SEC31A: variants seen among roughly 807,000 people sequenced by gnomAD.
SEC31A encodes SEC31 homolog A, COPII component.
SEC31A carries 70 observed loss-of-function variants against 151.0 expected under a neutral mutation model. The ratio of observed to expected loss-of-function variants is 0.46; its 90% CI spans 0.38 to 0.57. The LOEUF (loss-of-function observed/expected upper bound fraction) is 0.57, where lower values mean the gene tolerates loss of function less well. SEC31A is among the 20% of genes least tolerant of loss of function. SEC31A has a pLI of 0.00. For missense variants in SEC31A, 1,330 were observed against 1,471.2 expected (o/e 0.90, Z 1.57); for synonymous variants, 475 against 505.9 (o/e 0.94, Z 0.82).
intron 22 of SEC31A, among the ~76,000 whole-genome samples, chr4:82,832,881 C>T (rs530325101): frequency 7.9e-5 from 12 of 152,138 alleles, no homozygotes; most frequent in South Asian, 6.2e-4. Flanking sequence ...GTTACAATGG[C>T]GATCATTAAA....
At chr4:82,830,979 T>G (rs1288466965) in intron 22 of SEC31A, 1 of 1,195,772 alleles carries the variant, frequency 8.4e-7, no homozygotes, top group Non-Finnish European at 1.1e-6. Flanking sequence ...TGGTTTTCTG[T>G]AGACAAAATG....
intron 6 of SEC31A, 81 bp downstream of exon 6, chr4:82,874,530 T>G: frequency 7.5e-7 from 1 of 1,333,406 alleles, no homozygotes; most frequent in Non-Finnish European, 1.0e-6. Flanking sequence ...AAATTTGATT[T>G]GTTGTCAACT....
intron 3 of SEC31A, among the ~76,000 whole-genome samples, chr4:82,896,569 G>A (rs756533339): frequency 2.0e-5 from 3 of 151,746 alleles, no homozygotes; most frequent in Non-Finnish European, 2.9e-5. Flanking sequence ...AGCAGCCTGG[G>A]CAACACGGCA....
chr4:82,838,990 T>A (rs1200037710), intron 22 of SEC31A, among the ~76,000 whole-genome samples: 1 of 152,210 alleles, frequency 6.6e-6, no homozygotes, highest in Non-Finnish European at 1.5e-5. Context: ...ATAATTATTA[T>A]TTTTTGAGAT....
intron 24 of SEC31A, among the ~76,000 whole-genome samples, chr4:82,826,514 A>C: frequency 6.6e-6 from 1 of 152,078 alleles, no homozygotes; most frequent in East Asian, 1.9e-4. Context: ...CACCACGCCC[A>C]GCTAATTTTT....
At chr4:82,842,019 C>T (rs1578187039) in intron 22 of SEC31A, 121 bp downstream of exon 22, 1 of 798,192 alleles carries the variant, frequency 1.3e-6, no homozygotes, top group East Asian at 2.8e-5. Context: ...AAACCCAAAC[C>T]TCAGTCAACA....
intron 17 of SEC31A, 141 bp downstream of exon 17, chr4:82,854,762 G>A: frequency 2.8e-6 from 2 of 719,128 alleles, no homozygotes; most frequent in Non-Finnish European, 4.1e-6. Flanking sequence ...ATAAATCTGA[G>A]AAAGGCACTG....
At chr4:82,878,580 G>A (rs574721150) in intron 4 of SEC31A, 150 bp downstream of exon 4, 233 of 631,030 alleles carry the variant, frequency 3.7e-4, no homozygotes, top group South Asian at 5.5e-4. Flanking sequence ...TCTCAACTCT[G>A]AACCCACCAT....
Position 82,867,136 on chromosome 4 carries a change from C to G in SEC31A, c.1044+19G>C. On this transcript the variant is annotated intron_variant, in intron 9 of 26. Transcript: ENST00000395310. ...TTTTTTCAGGCATTATAATAGAAAA[C>G]TTTAACACTTCCTATTACCTTGTCA... The G allele has an allele frequency of 6.2e-7, 1 of 1,603,670 alleles. No homozygotes were observed. The highest frequency in any genetic ancestry group is 8.5e-7 in the Non-Finnish European group (1 of 1,172,142).
chr4:82,862,485 T>C, intron 13 of SEC31A, 49 bp downstream of exon 13: 1 of 1,450,744 alleles, frequency 6.9e-7, no homozygotes, highest in Non-Finnish European at 9.7e-7. Flanking sequence ...TTCTTCGTTA[T>C]GACCTAGCCA....
intron 16 of SEC31A, among the ~76,000 whole-genome samples, chr4:82,856,127 C>G (rs1450943092): frequency 6.6e-6 from 1 of 151,924 alleles, no homozygotes; most frequent in African/African-American, 2.4e-5. Flanking sequence ...ATCTTCTTAC[C>G]ATGAAATATT....
chr4:82,897,744 A>T (rs934038013), intron 3 of SEC31A: 4 of 152,190 alleles, frequency 2.6e-5, no homozygotes, highest in African/African-American at 7.2e-5. Flanking sequence ...ATCTCAAAAA[A>T]TAAAATAAAA....
chr4:82,873,220 T>C (rs932749217), intron 6 of SEC31A, among the ~76,000 whole-genome samples: 4 of 151,940 alleles, frequency 2.6e-5, no homozygotes, highest in African/African-American at 9.7e-5. Context: ...TCGCCAGGTA[T>C]GGTGGCGGAC....
At chr4:82,821,812 T>C (rs1244851039) in intron 25 of SEC31A, among the ~76,000 whole-genome samples, 2 of 152,124 alleles carry the variant, frequency 1.3e-5, no homozygotes, top group Admixed American at 6.6e-5. Context: ...TAAGTAGTTA[T>C]TGTCGATTAT....
At chr4:82,873,865 G>A (rs1018777949) in intron 6 of SEC31A, among the ~76,000 whole-genome samples, 8 of 152,122 alleles carry the variant, frequency 5.3e-5, no homozygotes, top group Admixed American at 3.9e-4. Flanking sequence ...GGTAAGTGCC[G>A]AAAATATATT....
chr4:82,854,798 T>C (rs982906443), intron 17 of SEC31A, 105 bp downstream of exon 17: 2 of 1,194,796 alleles, frequency 1.7e-6, no homozygotes, highest in African/African-American at 3.2e-5. Context: ...TTTTTTGTGA[T>C]TTGTAGATTT....
intron 11 of SEC31A, 136 bp downstream of exon 11, chr4:82,864,226 G>C (rs1036166092): frequency 1.5e-6 from 1 of 661,808 alleles, no homozygotes. Flanking sequence ...TCTTTATAAG[G>C]CTTCTTAATT....
chr4:82,867,615 C>T (rs1735685512), intron 8 of SEC31A, among the ~76,000 whole-genome samples: 1 of 152,140 alleles, frequency 6.6e-6, no homozygotes, highest in African/African-American at 2.4e-5. Context: ...AAGACCAGCA[C>T]ACTCTATTAG....
intron 25 of SEC31A, among the ~76,000 whole-genome samples, chr4:82,824,316 G>C (rs1312651353): frequency 6.6e-6 from 1 of 152,102 alleles, no homozygotes; most frequent in Non-Finnish European, 1.5e-5. Context: ...CAATTCTCCT[G>C]CCTTAGCCTC....
Sources: allele counts gnomAD v4.1 joint callset (sites outside exome capture counted in the v4.1 genomes callset), GRCh38; gene constraint gnomAD v4.1.1; transcripts MANE v1.5; gene names NCBI Gene and HGNC (gene_info 2026-07-23, HGNC 2026-07-21).